The following FZD3 variants were observed in gnomAD, a reference collection of about 807,000 sequenced individuals.
FZD3 encodes frizzled-3.
FZD3 carries 30 observed loss-of-function variants against 60.7 expected under a neutral mutation model. That is an observed-to-expected ratio of 0.49 (90% confidence interval 0.37 to 0.67). The LOEUF is 0.67. Ranked by LOEUF, FZD3 falls within the 30% of genes least tolerant of loss-of-function variation. The pLI is 0.00. For missense variants in FZD3, 605 were observed against 838.7 expected, an observed-to-expected ratio of 0.72 and a Z score of 3.44; for synonymous variants, 246 against 275.2, an observed-to-expected ratio of 0.89 and a Z score of 1.05.
intron 3 of FZD3, among the ~76,000 whole-genome samples, chr8:28,506,491 T>C (rs1490387846): frequency 6.6e-6 from 1 of 152,204 alleles, no homozygotes; most frequent in Non-Finnish European, 1.5e-5. Context: ...CCCTGTTTTT[T>C]CATTTCAGTT....
intron 7 of FZD3, 50 bp from the exon 8 acceptor site, chr8:28,562,748 T>C (rs1805635895): frequency 9.4e-7 from 1 of 1,061,414 alleles, no homozygotes; most frequent in Non-Finnish European, 1.4e-6. Flanking sequence ...AGTGTTATTA[T>C]ATTTTCTAGT....
intron 3 of FZD3, among the ~76,000 whole-genome samples, chr8:28,513,072 G>A (rs987008731): frequency 1.3e-5 from 2 of 152,136 alleles, no homozygotes; most frequent in Admixed American, 6.5e-5. Context: ...GAAGCCTGGT[G>A]TGAGGAGAAA....
rs779117649 is a variant in FZD3, at chr8:28,569,216, A to T, written c.*6205A>T. 6.9e-6 allele frequency: 1 copy of T among 144,016 alleles called. No homozygotes were observed. Among genetic ancestry groups the T allele is most frequent in the Non-Finnish European group, 1.5e-5 (1 of 65,550 alleles). The allele number at this position is 144,016 out of a possible 1,614,324, so 8.9% of individuals were successfully genotyped here. A position where few individuals can be genotyped will look rare whatever the true frequency, so the allele number is the denominator to read the frequency against. On this transcript the variant is annotated 3_prime_UTR_variant, in exon 8 of 8. Transcript: ENST00000240093. ...TTTAACTTAGAGCTTAATAATTTCTATTTTCTATCCTGGAGTCTAAAATTA... is the reference window on the plus strand; with the variant it reads ...TTTAACTTAGAGCTTAATAATTTCTTTTTTCTATCCTGGAGTCTAAAATTA...
chr8:28,543,492 T>G (rs979062514), intron 5 of FZD3, among the ~76,000 whole-genome samples: 2 of 152,164 alleles, frequency 1.3e-5, no homozygotes, highest in Non-Finnish European at 2.9e-5. Flanking sequence ...ACAGTTCTCT[T>G]GCCTCAGCTT....
intron 3 of FZD3, among the ~76,000 whole-genome samples, chr8:28,519,186 G>T (rs960713121): frequency 6.6e-6 from 1 of 152,098 alleles, no homozygotes; most frequent in African/African-American, 2.4e-5. Flanking sequence ...CATTTGAAAG[G>T]CCTGGTGGTA....
rs144394167 is a variant in FZD3 at position 28,563,386 on chromosome 8, C to G, written c.*375C>G. The G allele has an allele frequency of 1.5e-3, 254 of 174,684 alleles. 6 individuals are homozygous for G. The East Asian group carries it at 0.035, about 24-fold the overall frequency. The allele number at this position is 174,684 out of a possible 1,614,324, so 10.8% of individuals were successfully genotyped here. On this transcript the variant is annotated 3_prime_UTR_variant, in exon 8 of 8. Coordinates refer to ENST00000240093, the MANE Select transcript of FZD3 (RefSeq NM_017412.4). ...GTTGTGAGATAACATTCTGGTAGCT[C>G]AGTTAATAAAACAATTTCAGAATTA...
chr8:28,556,018 C>A (rs1805501969), intron 7 of FZD3, 47 bp downstream of exon 7: 1 of 1,209,370 alleles, frequency 8.3e-7, no homozygotes, highest in Non-Finnish European at 1.2e-6. Context: ...TGAATTATGA[C>A]CATACAGCTT....
intron 4 of FZD3, among the ~76,000 whole-genome samples, chr8:28,526,046 T>C (rs1160591905): frequency 6.6e-6 from 1 of 152,022 alleles, no homozygotes; most frequent in Non-Finnish European, 1.5e-5. Flanking sequence ...TTCAGAAGGG[T>C]TGAAGATTGA....
intron 1 of FZD3, among the ~76,000 whole-genome samples, chr8:28,498,551 G>A (rs1354476109): frequency 6.6e-6 from 1 of 151,974 alleles, no homozygotes; most frequent in Non-Finnish European, 1.5e-5. Context: ...CATATTATTT[G>A]GAATGTTTAT....
intron 5 of FZD3, among the ~76,000 whole-genome samples, chr8:28,529,450 GA>G (rs1384038638): frequency 6.6e-6 from 1 of 152,128 alleles, no homozygotes; most frequent in African/African-American, 2.4e-5. Flanking sequence ...CTCTTCGCAA[GA>G]AGAACTTTTT....
intron 3 of FZD3, among the ~76,000 whole-genome samples, chr8:28,513,016 T>G (rs1804329416): frequency 6.6e-6 from 1 of 152,158 alleles, no homozygotes; most frequent in Non-Finnish European, 1.5e-5. Context: ...AGATTAATAT[T>G]AATAAGGTGG....
rs1418556619 is a variant in FZD3 at position 28,550,225 on chromosome 8, T to G, written c.1405-1378T>G. On this transcript the variant is annotated intron_variant, in intron 5 of 7. Coordinates refer to ENST00000240093, the MANE Select transcript of FZD3 (RefSeq NM_017412.4). ...TTTTTATTTCCTCTGGAGTCAATTA[T>G]GTTAAATTACATTTTCCTATCATTT... Among the ~76,000 whole-genome samples the G allele has an allele frequency of 4.6e-5, 7 of 151,916 alleles. No individual in the cohort carries two copies. The South Asian group carries it at 1.2e-3, about 27-fold the overall frequency.
chr8:28,535,050 G>A (rs1320164705), intron 5 of FZD3, among the ~76,000 whole-genome samples: 1 of 152,120 alleles, frequency 6.6e-6, no homozygotes. Flanking sequence ...TCACATTACA[G>A]AAACTTTCAA....
At chr8:28,547,185 C>T (rs1268958647) in intron 5 of FZD3, among the ~76,000 whole-genome samples, 1 of 152,106 alleles carries the variant, frequency 6.6e-6, no homozygotes, top group Non-Finnish European at 1.5e-5. Flanking sequence ...TTTTTACTCA[C>T]TTGGTAGCTC....
In FZD3 at chr8:28,502,952, A is replaced by G; in HGVS notation, c.-62A>G. On this transcript the variant is annotated 5_prime_UTR_variant, in exon 3 of 8. It adds an upstream start codon to the 5' untranslated region. Coordinates refer to ENST00000240093, the MANE Select transcript of FZD3 (RefSeq NM_017412.4). ...TTCGAGCTGAGACCTGCAGGTGTAT[A>G]AATATCTAAAATACATATTGAATAG... 1 of 1,103,060 alleles carries G rather than the reference A, an allele frequency of 9.1e-7. No individual in the cohort carries two copies. The highest frequency in any genetic ancestry group is 1.3e-6 in the Non-Finnish European group (1 of 752,060). The allele number at this position is 1,103,060 out of a possible 1,614,324, so 68.3% of individuals were successfully genotyped here.
intron 1 of FZD3, 143 bp downstream of exon 1, chr8:28,494,486 C>T (rs1005124557): frequency 6.6e-6 from 1 of 152,058 alleles, no homozygotes; most frequent in African/African-American, 2.4e-5. Flanking sequence ...CCGGCGCCTC[C>T]TCCTCAGGGA....
intron 3 of FZD3, among the ~76,000 whole-genome samples, chr8:28,514,643 A>G (rs778850086): frequency 6.6e-6 from 1 of 152,156 alleles, no homozygotes; most frequent in African/African-American, 2.4e-5. Flanking sequence ...TGCCGTATCT[A>G]CTTCTTTAGG....
intron 5 of FZD3, 81 bp downstream of exon 5, chr8:28,528,245 G>C (rs1804772584): frequency 9.1e-7 from 1 of 1,093,252 alleles, no homozygotes; most frequent in East Asian, 2.5e-5. Flanking sequence ...AATATCAGCT[G>C]TTTTTTGAAA....
rs898457350 is a variant in FZD3 at position 28,569,409 on chromosome 8, G to A, written c.*6398G>A. 7.9e-5 allele frequency: 12 copies of A among 151,378 alleles called. No individual in the cohort carries two copies. Among genetic ancestry groups the A allele is most frequent in the East Asian group, 3.9e-4 (2 of 5,176 alleles). 9.4% of individuals were successfully genotyped at this position (151,378 alleles called of 1,614,324 possible). A position where few individuals can be genotyped will look rare whatever the true frequency, so the allele number is the denominator to read the frequency against. ...AACTTTGGATAAGGCATTTTATCTC[G>A]TGGTGCCTCCATTTTTCTCATTCTC... On this transcript the variant is annotated 3_prime_UTR_variant, in exon 8 of 8. Transcript: ENST00000240093.
Sources: allele counts gnomAD v4.1 joint callset (sites outside exome capture counted in the v4.1 genomes callset), GRCh38; gene constraint gnomAD v4.1.1; transcripts MANE v1.5; gene names NCBI Gene and HGNC (gene_info 2026-07-23, HGNC 2026-07-21).